The following HCRTR2 variants were observed in gnomAD, a reference collection of about 807,000 sequenced individuals.
The protein encoded by HCRTR2 is orexin receptor type 2.
Under a neutral mutation model 49.0 loss-of-function variants are expected in HCRTR2, and 22 were observed. The ratio of observed to expected loss-of-function variants is 0.45; its 90% CI spans 0.32 to 0.64. The LOEUF is 0.64. HCRTR2 is among the 30% of genes least tolerant of loss of function. The pLI, the probability that HCRTR2 is intolerant of heterozygous loss-of-function variation, is 0.04. For synonymous variants in HCRTR2, 236 were observed against 205.3 expected (o/e 1.15, Z -1.28); for missense variants, 491 against 559.4 (o/e 0.88, Z 1.23).
intron 1 of HCRTR2, among the ~76,000 whole-genome samples, chr6:55,205,193 C>T (rs1218274942): frequency 6.6e-6 from 1 of 152,118 alleles, no homozygotes; most frequent in Non-Finnish European, 1.5e-5. Flanking sequence ...TGAGGATGTA[C>T]TTTTGGGAAA....
At chr6:55,122,179 G>C (rs1331027838) in intron 1 of HCRTR2, among the ~76,000 whole-genome samples, 17 of 151,984 alleles carry the variant, frequency 1.1e-4, no homozygotes, top group Admixed American at 1.1e-3. Context: ...ACTTCTTCCT[G>C]GTTTAGTCTT....
intron 1 of HCRTR2, among the ~76,000 whole-genome samples, chr6:55,161,599 GAAGAA>G (rs1358473472): frequency 6.6e-6 from 1 of 151,910 alleles, no homozygotes; most frequent in Non-Finnish European, 1.5e-5. Flanking sequence ...GACTAATGAA[GAAGAA>G]AAGAGAGAAG....
chr6:55,195,110 G>GA (rs377570702), intron 1 of HCRTR2, among the ~76,000 whole-genome samples: 137 of 151,916 alleles, frequency 9.0e-4, no homozygotes, highest in African/African-American at 3.1e-3. Context: ...GGCAGGAAGA[G>GA]AAAAAAATGA....
Position 55,280,305 on chromosome 6 carries a change from T to C in HCRTR2, c.984-18T>C, listed in dbSNP as rs747618725. 6.7e-7 allele frequency: 1 copy of C among 1,489,574 alleles called. No individual in the cohort carries two copies. Among genetic ancestry groups the C allele is most frequent in the Non-Finnish European group, 9.4e-7 (1 of 1,067,458 alleles). The allele number at this position is 1,489,574 out of a possible 1,614,324, so 92.3% of individuals were successfully genotyped here. A position where few individuals can be genotyped will look rare whatever the true frequency, so the allele number is the denominator to read the frequency against. ...TAATTATTTAAAAGACACTTTTCTG[T>C]TGTTTCTTTTCCTGCAGAGTATTTG... On this transcript the variant is annotated intron_variant, in intron 5 of 6. Coordinates refer to ENST00000370862, the MANE Select transcript of HCRTR2 (RefSeq NM_001384272.1).
rs78729289 is a variant in HCRTR2, at chr6:55,257,654, G to C, written c.646+2275G>C. Among the ~76,000 whole-genome samples, 1,264 of 151,486 alleles carry C rather than the reference G, an allele frequency of 8.3e-3. 17 individuals carry two copies. Among genetic ancestry groups the C allele is most frequent in the African/African-American group, 0.029 (1,187 of 41,360 alleles). ...ATGATTTTTAAATTACCTCTGAGTG[G>C]TAAATATAAATACATAAAGCTCATT... On this transcript the variant is annotated intron_variant, in intron 3 of 6. Coordinates refer to ENST00000370862, the MANE Select transcript of HCRTR2 (RefSeq NM_001384272.1).
intron 1 of HCRTR2, among the ~76,000 whole-genome samples, chr6:55,125,397 T>A (rs1010524144): frequency 3.3e-5 from 5 of 152,188 alleles, no homozygotes; most frequent in African/African-American, 1.2e-4. Context: ...GATATAAAAT[T>A]CTGGGTTGAA....
At chr6:55,174,222 C>T (rs1764993042), upstream of HCRTR2, 1 of 202,580 alleles carries the variant, frequency 4.9e-6, no homozygotes, top group Non-Finnish European at 1.0e-5. Flanking sequence ...TTCAGCTCTC[C>T]CTCAGCGAGG....
intron 1 of HCRTR2, among the ~76,000 whole-genome samples, chr6:55,221,577 GCC>G (rs1265384759): frequency 1.3e-5 from 2 of 152,142 alleles, no homozygotes; most frequent in Non-Finnish European, 2.9e-5. Context: ...ACTTTGGGAG[GCC>G]AAGGGGGTCA....
At chr6:55,115,089 G>A (rs902265005) in intron 1 of HCRTR2, among the ~76,000 whole-genome samples, 2 of 151,738 alleles carry the variant, frequency 1.3e-5, no homozygotes, top group African/African-American at 4.8e-5. Flanking sequence ...GCAGAATTAA[G>A]GTGTACTACC....
chr6:55,204,289 C>G (rs1765561513), intron 1 of HCRTR2, among the ~76,000 whole-genome samples: 1 of 152,140 alleles, frequency 6.6e-6, no homozygotes, highest in East Asian at 1.9e-4. Context: ...TACACCATTA[C>G]CCAGAGGGCA....
chr6:55,186,358 A>C (rs1390751627), intron 1 of HCRTR2, among the ~76,000 whole-genome samples: 2 of 152,108 alleles, frequency 1.3e-5, no homozygotes, highest in African/African-American at 4.8e-5. Context: ...TGCTTTTGTG[A>C]TTATTTTGTT....
At chr6:55,151,675 T>C (rs1764666646) in intron 1 of HCRTR2, among the ~76,000 whole-genome samples, 1 of 152,006 alleles carries the variant, frequency 6.6e-6, no homozygotes, top group Admixed American at 6.6e-5. Flanking sequence ...GAATCACAAA[T>C]GTTCTTAATG....
In HCRTR2 at chr6:55,269,973, A is replaced by T. The variant is rs185816955; in HGVS notation, c.762+6151A>T. On this transcript the variant is annotated intron_variant, in intron 4 of 6. Transcript: ENST00000370862. ...AGTTAGACTCTTGTCAAAACAAAAAAAATTCTTCAGCATAAACATGTATAT... is the reference window on the plus strand; with the variant it reads ...AGTTAGACTCTTGTCAAAACAAAAATAATTCTTCAGCATAAACATGTATAT... 2.6e-5 allele frequency among the ~76,000 whole-genome samples: 4 copies of T among 152,326 alleles called. 1 individual carries two copies. The highest frequency in any genetic ancestry group is 2.0e-4 in the Admixed American group (3 of 15,296).
upstream of HCRTR2, among the ~76,000 whole-genome samples, chr6:55,172,486 G>C (rs1233921523): frequency 6.6e-6 from 1 of 151,652 alleles, no homozygotes; most frequent in Non-Finnish European, 1.5e-5. Context: ...GGAAATATTT[G>C]GTAAAATAAT....
At chr6:55,227,749 A>G (rs1484783951) in intron 1 of HCRTR2, among the ~76,000 whole-genome samples, 2 of 152,158 alleles carry the variant, frequency 1.3e-5, no homozygotes, top group Non-Finnish European at 2.9e-5. Context: ...GGGAAAGGGG[A>G]CACTAAAAAG....
intron 1 of HCRTR2, among the ~76,000 whole-genome samples, chr6:55,140,166 T>C (rs913803303): frequency 2.6e-5 from 4 of 152,126 alleles, no homozygotes; most frequent in Non-Finnish European, 5.9e-5. Flanking sequence ...TGACCCTTTT[T>C]TTAGTGAATG....
At chr6:55,222,916 T>A (rs115608647) in intron 1 of HCRTR2, among the ~76,000 whole-genome samples, 1,963 of 152,322 alleles carry the variant, frequency 0.013, 22 homozygotes, top group South Asian at 0.038. Context: ...ATGTGTTAGG[T>A]CCATGTTATG....
intron 1 of HCRTR2, among the ~76,000 whole-genome samples, chr6:55,230,589 A>T (rs1766095320): frequency 6.6e-6 from 1 of 152,208 alleles, no homozygotes; most frequent in African/African-American, 2.4e-5. Context: ...ACATAGATTA[A>T]TTACTACATA....
chr6:55,109,302 C>A (rs1335235375), intron 1 of HCRTR2, among the ~76,000 whole-genome samples: 2 of 152,092 alleles, frequency 1.3e-5, no homozygotes, highest in Non-Finnish European at 2.9e-5. Context: ...TGTGCTATGA[C>A]AAAACAAGGT....
Sources: gnomAD v4.1 joint callset for allele counts (sites outside exome capture counted in the v4.1 genomes callset) on GRCh38, gnomAD v4.1.1 for gene constraint, MANE v1.5 for transcripts, NCBI Gene and HGNC (gene_info 2026-07-23, HGNC 2026-07-21) for gene names.